The following SRRM3 variants were observed in gnomAD, a reference collection of about 807,000 sequenced individuals.
SRRM3 encodes the protein serine/arginine repetitive matrix protein 3.
SRRM3 carries 27 observed loss-of-function variants against 66.2 expected under a neutral mutation model. The observed-to-expected ratio is 0.41, with a 90% CI of 0.30 to 0.56. The LOEUF is 0.56. SRRM3 is among the 20% of genes least tolerant of loss of function. SRRM3 has a pLI of 0.32. For missense variants in SRRM3, 918 were observed against 991.9 expected, an observed-to-expected ratio of 0.93 and a Z score of 1.00; for synonymous variants, 391 against 414.9, an observed-to-expected ratio of 0.94 and a Z score of 0.70.
intron 1 of SRRM3, among the ~76,000 whole-genome samples, chr7:76,218,913 G>A (rs536433683): frequency 3.3e-5 from 5 of 152,010 alleles, no homozygotes; most frequent in African/African-American, 7.2e-5. Context: ...GGGGTGCAGC[G>A]GCGTGATCTT....
At chr7:76,265,068 C>G (rs782234696) in intron 9 of SRRM3, among the ~76,000 whole-genome samples, 95 of 152,100 alleles carry the variant, frequency 6.2e-4, no homozygotes, top group Non-Finnish European at 3.5e-4. Flanking sequence ...CCTCCCACCC[C>G]ACAAGTCCCA....
rs1231561790 is a variant in SRRM3, at chr7:76,281,701, C to G, written c.1269C>G (p.Leu423=). Residue 423 remains leucine, a synonymous_variant, in exon 12 of 15, where the codon CTC becomes CTG. Coordinates refer to ENST00000611745, the MANE Select transcript of SRRM3 (RefSeq NM_001110199.3). ...PAPPRGSSRS[L]SRARSSSDSG... is the part of the protein sequence containing the mutation. ...CCCCCCGGGGCTCGTCGCGCTCGCT[C>G]AGCAGGGCCCGCTCCAGCAGCGACT... is the stretch of plus-strand genomic sequence containing the variant. The G allele has an allele frequency of 1.8e-6, 2 of 1,132,502 alleles. No homozygotes were observed. Among genetic ancestry groups the G allele is most frequent in the Non-Finnish European group, 2.2e-6 (2 of 922,022 alleles). The allele number at this position is 1,132,502 out of a possible 1,614,324, so 70.2% of individuals were successfully genotyped here. A position where few individuals can be genotyped will look rare whatever the true frequency, so the allele number is the denominator to read the frequency against.
At chr7:76,228,498 G>T (rs1341726718) in intron 1 of SRRM3, among the ~76,000 whole-genome samples, 1 of 152,080 alleles carries the variant, frequency 6.6e-6, no homozygotes, top group Non-Finnish European at 1.5e-5. Context: ...GCCGAGGCGG[G>T]TGGATCATGA....
At chr7:76,263,133 A>AC (rs1801923701) in intron 8 of SRRM3, among the ~76,000 whole-genome samples, 1 of 152,128 alleles carries the variant, frequency 6.6e-6, no homozygotes, top group South Asian at 2.1e-4. Flanking sequence ...CCAAGTGGCC[A>AC]CCATTAGCTT....
rs188110269 is a variant in SRRM3, at chr7:76,226,613, G to A, written c.-39-8415G>A. On this transcript the variant is annotated intron_variant, in intron 1 of 14. Transcript: ENST00000611745. ...ATTTATTTATTTTATTTTTTGAGAT[G>A]GAGTTTTGCTCTTGTTCCTCAGGCT... Among the ~76,000 whole-genome samples, 3 of 152,012 alleles carry A rather than the reference G, an allele frequency of 2.0e-5. No individual in the cohort carries two copies. In the East Asian group the frequency reaches 5.8e-4, roughly 29 times the overall value.
intron 1 of SRRM3, among the ~76,000 whole-genome samples, chr7:76,221,651 C>T (rs535627409): frequency 1.6e-4 from 24 of 152,178 alleles, no homozygotes; most frequent in African/African-American, 1.4e-4. Flanking sequence ...CGTGAGCCAC[C>T]GCGCCCCGCA....
intron 2 of SRRM3, among the ~76,000 whole-genome samples, chr7:76,243,264 T>C (rs1450509366): frequency 6.6e-6 from 1 of 152,128 alleles, no homozygotes; most frequent in Non-Finnish European, 1.5e-5. Flanking sequence ...AGCAGGACTG[T>C]TGGGCTCCTC....
chr7:76,213,563 T>G (rs75050240), intron 1 of SRRM3, among the ~76,000 whole-genome samples: 1,533 of 152,134 alleles, frequency 0.01, 24 homozygotes, highest in African/African-American at 0.033. Flanking sequence ...CCTCGTGGGA[T>G]TCATTGTTGC....
intron 11 of SRRM3, among the ~76,000 whole-genome samples, chr7:76,276,696 G>A (rs1802355963): frequency 6.6e-6 from 1 of 152,158 alleles, no homozygotes; most frequent in Non-Finnish European, 1.5e-5. Context: ...CAGGAAGCAT[G>A]AGACCCAGCC....
At chr7:76,255,148 C>CTTTCTTTT (rs1447372520) in intron 3 of SRRM3, among the ~76,000 whole-genome samples, 33 of 83,168 alleles carry the variant, frequency 4.0e-4, no homozygotes, top group African/African-American at 1.8e-3. Flanking sequence ...TTCTTTCTTT[C>CTTTCTTTT]TTTTTTTTTT....
chr7:76,209,199 C>T (rs1395900375), intron 1 of SRRM3, among the ~76,000 whole-genome samples: 1 of 152,180 alleles, frequency 6.6e-6, no homozygotes, highest in Non-Finnish European at 1.5e-5. Context: ...TAATGAGGGC[C>T]TCCTGTTTTC....
chr7:76,214,181 C>G (rs1554602261), intron 1 of SRRM3, among the ~76,000 whole-genome samples: 1 of 152,092 alleles, frequency 6.6e-6, no homozygotes, highest in East Asian at 1.9e-4. Flanking sequence ...CCCCTTTGAG[C>G]CTGGCCTGGG....
chr7:76,268,817 AGGTAGCTGAG>A (rs1554610154), intron 11 of SRRM3: 1 of 152,416 alleles, frequency 6.6e-6, no homozygotes, highest in East Asian at 1.9e-4. Flanking sequence ...GGGCAGGCAG[AGGTAGCTGAG>A]GGTAGCATGG....
Position 76,285,801 on chromosome 7 carries a change from C to T in SRRM3, c.1920C>T (p.Pro640=). The T allele has an allele frequency of 1.3e-6, 2 of 1,550,838 alleles. No homozygotes were observed. Among genetic ancestry groups the T allele is most frequent in the Admixed American group, 2.0e-5 (1 of 51,050 alleles). The change falls in exon 15 of 15, where the codon CCC becomes CCT. Residue 640 remains proline (P), a synonymous_variant. Coordinates refer to ENST00000611745, the MANE Select transcript of SRRM3 (RefSeq NM_001110199.3). The surrounding 1 kb of genome is among the most constrained non-coding windows in gnomAD (Gnocchi z 4.1). ...GCAGCCCCTCGAGGACCCCCAGTCC[C>T]AGCTACCACAGCCGGAGCAGCTCTG... ...RTRSPSRTPS[P]SYHSRSSSES...
intron 1 of SRRM3, among the ~76,000 whole-genome samples, chr7:76,233,045 G>A (rs1554604372): frequency 1.3e-5 from 2 of 152,114 alleles, no homozygotes; most frequent in Non-Finnish European, 2.9e-5. Flanking sequence ...GCTCACGCCT[G>A]TAATCTCAGT....
At chr7:76,258,043 C>A (rs1274055906) in intron 3 of SRRM3, among the ~76,000 whole-genome samples, 2 of 152,174 alleles carry the variant, frequency 1.3e-5, no homozygotes, top group Non-Finnish European at 2.9e-5. Flanking sequence ...ACATCTGTGG[C>A]AGAGGCTGGC....
chr7:76,265,594 CA>C, intron 10 of SRRM3, 126 bp downstream of exon 10: 1 of 701,644 alleles, frequency 1.4e-6, no homozygotes, highest in Non-Finnish European at 2.2e-6. Flanking sequence ...AGAAGTTTAT[CA>C]GGGGTAGCCA....
In SRRM3 at chr7:76,267,252, C is replaced by A. The variant is rs782436382; in HGVS notation, c.831-6C>A. 2 of 1,540,758 alleles carry A rather than the reference C, an allele frequency of 1.3e-6. No individual in the cohort carries two copies. The highest frequency in any genetic ancestry group is 2.2e-5 in the Admixed American group (1 of 45,920). On this transcript the variant is annotated splice_region_variant and splice_polypyrimidine_tract_variant and intron_variant, in intron 10 of 14. Transcript: ENST00000611745. ...CTCCCCCATTCTTCCTGGCGCCTAA[C>A]CCCAGGCTGAGCCCCAAGCACCGAG... is the stretch of plus-strand genomic sequence containing the variant.
At chr7:76,249,657 T>G (rs1801524978) in intron 3 of SRRM3, among the ~76,000 whole-genome samples, 4 of 152,350 alleles carry the variant, frequency 2.6e-5, no homozygotes, top group Admixed American at 1.3e-4. Flanking sequence ...AGGCACCGTG[T>G]GCTCAGGGAG....
Sources: gnomAD v4.1 joint callset for allele counts (sites outside exome capture counted in the v4.1 genomes callset) on GRCh38, gnomAD v4.1.1 for gene constraint, Gnocchi (gnomAD v3.1) non-coding constraint, MANE v1.5 for transcripts, NCBI Gene and HGNC (gene_info 2026-07-23, HGNC 2026-07-21) for gene names.